Variants in CTBP2 observed in about 807,000 individuals in gnomAD.
CTBP2 encodes the protein C-terminal-binding protein 2.
Under a neutral mutation model 80.3 loss-of-function variants are expected in CTBP2, and 30 were observed. The ratio of observed to expected loss-of-function variants is 0.37; its 90% CI spans 0.28 to 0.51. The LOEUF is 0.51. CTBP2 is among the 20% of genes least tolerant of loss of function. The probability of loss-of-function intolerance (pLI) is 0.93; values close to 1 mark genes in which losing one functional copy is unlikely to be tolerated. For missense variants in CTBP2, 1,212 were observed against 1,375.3 expected (o/e 0.88, Z 1.88); for synonymous variants, 594 against 587.4 (o/e 1.01, Z -0.16).
chr10:125,094,862 A>G (rs1389489234), intron 2 of CTBP2, among the ~76,000 whole-genome samples: 1 of 147,266 alleles, frequency 6.8e-6, no homozygotes, highest in East Asian at 2.0e-4. Context: ...ATTACCGGCA[A>G]TTTTTTTTTT....
At chr10:125,005,973 A>T in intron 1 of CTBP2, 1 of 1,469,086 alleles carries the variant, frequency 6.8e-7, no homozygotes, top group Non-Finnish European at 8.9e-7. Flanking sequence ...GGGAATCCAG[A>T]GCCGCTGATG....
intron 4 of CTBP2, 138 bp downstream of exon 6, chr10:124,997,826 G>A (rs1294940188): frequency 1.1e-5 from 9 of 840,042 alleles, no homozygotes; most frequent in South Asian, 3.4e-5. Flanking sequence ...CTCCTACCCC[G>A]TGCAACACGG....
At chr10:125,044,833 G>A (rs7923530) in intron 2 of CTBP2, among the ~76,000 whole-genome samples, 19,647 of 152,118 alleles carry the variant, frequency 0.13, 2,167 homozygotes, top group African/African-American at 0.3. Flanking sequence ...GGATCAGTGG[G>A]TCAAAAAGCA....
In CTBP2 at chr10:124,987,368, A is replaced by T. The variant is rs1242545941; in HGVS notation, c.*2150T>A. On this transcript the variant is annotated 3_prime_UTR_variant, in exon 9 of 9. Coordinates refer to ENST00000309035, the MANE Select transcript of CTBP2 (RefSeq NM_022802.3). ...TTCTTCCTTGGGGTCAAATTTATAT[A>T]TATATATATAAATTTTTGTTTGGGC... The T allele has an allele frequency of 1.3e-5, 2 of 151,438 alleles. No individual in the cohort carries two copies. Among genetic ancestry groups the T allele is most frequent in the African/African-American group, 4.9e-5 (2 of 41,142 alleles). 9.4% of individuals were successfully genotyped at this position (151,438 alleles called of 1,614,324 possible). A position where few individuals can be genotyped will look rare whatever the true frequency, so the allele number is the denominator to read the frequency against.
intron 2 of CTBP2, among the ~76,000 whole-genome samples, chr10:125,096,938 A>G (rs1471163748): frequency 6.6e-6 from 1 of 152,246 alleles, no homozygotes. Context: ...AACTAAGTCC[A>G]AACATTTTAG....
In CTBP2 at chr10:124,987,422, T is replaced by C. The variant is rs902938571; in HGVS notation, c.*2096A>G. 8 of 152,148 alleles carry C rather than the reference T, an allele frequency of 5.3e-5. No homozygotes were observed. Among genetic ancestry groups the C allele is most frequent in the South Asian group, 2.1e-4 (1 of 4,822 alleles). The allele number at this position is 152,148 out of a possible 1,614,324, so 9.4% of individuals were successfully genotyped here. A position where few individuals can be genotyped will look rare whatever the true frequency, so the allele number is the denominator to read the frequency against. Reference sequence around the variant, plus strand: ...CAAGATCTAATAATTAAAACCCAGGTGGACCATGGATTCAGACCTGCCTTT... The same window carrying C: ...CAAGATCTAATAATTAAAACCCAGGCGGACCATGGATTCAGACCTGCCTTT... On this transcript the variant is annotated 3_prime_UTR_variant, in exon 9 of 9. Transcript: ENST00000309035.
At chr10:125,084,017 A>G (rs551915859) in intron 2 of CTBP2, among the ~76,000 whole-genome samples, 131 of 152,270 alleles carry the variant, frequency 8.6e-4, no homozygotes, top group Non-Finnish European at 1.7e-3. Flanking sequence ...CTAATCTCAA[A>G]TGATCTGCCC....
At chr10:124,993,764 T>G in intron 6 of CTBP2, 91 bp downstream of exon 8, 1 of 1,471,340 alleles carries the variant, frequency 6.8e-7, no homozygotes, top group Non-Finnish European at 9.2e-7. Flanking sequence ...CAGGGACCTG[T>G]TTGGGAAAAG....
Position 124,992,662 on chromosome 10 carries a change from A to C in CTBP2, c.2777+33T>G, listed in dbSNP as rs749342138. On this transcript the variant is annotated intron_variant, in intron 8 of 8. Transcript: ENST00000309035. ...CCCTGGCCCCGGGGCCGTGGTGCTC[A>C]CAAGCTGAGACAAAGTCAGTTCCTT... The C allele has an allele frequency of 7.2e-6, 11 of 1,537,616 alleles. No homozygotes were observed. The East Asian group carries it at 2.5e-4, about 35-fold the overall frequency.
At chr10:125,137,311 G>C (rs992658653) in intron 1 of CTBP2, among the ~76,000 whole-genome samples, 1 of 152,100 alleles carries the variant, frequency 6.6e-6, no homozygotes, top group African/African-American at 2.4e-5. Flanking sequence ...GCAGAGTCTC[G>C]GGAACCCCTC....
upstream of CTBP2, among the ~76,000 whole-genome samples, chr10:125,031,052 C>T (rs189351833): frequency 5.3e-5 from 8 of 152,280 alleles, no homozygotes; most frequent in African/African-American, 1.2e-4. Flanking sequence ...CAGAAGTTAG[C>T]GGGTAACACG....
intron 1 of CTBP2, among the ~76,000 whole-genome samples, chr10:125,139,831 C>G (rs1325072129): frequency 6.6e-6 from 1 of 152,216 alleles, no homozygotes; most frequent in Admixed American, 6.5e-5. Context: ...CCCTACTGTG[C>G]TCACAGCTGC....
intron 1 of CTBP2, among the ~76,000 whole-genome samples, chr10:125,016,409 A>C (rs1956491285): frequency 6.6e-6 from 1 of 152,172 alleles, no homozygotes; most frequent in Non-Finnish European, 1.5e-5. Context: ...GACCAATTCC[A>C]CCAGTGTTCC....
chr10:125,047,485 T>C (rs913014855), intron 2 of CTBP2, among the ~76,000 whole-genome samples: 10 of 152,292 alleles, frequency 6.6e-5, no homozygotes, highest in Non-Finnish European at 1.0e-4. Context: ...CACAATACAA[T>C]TGGGCACACA....
intron 2 of CTBP2, 114 bp downstream of exon 2, chr10:125,110,876 A>G (rs977721930): frequency 1.3e-5 from 2 of 152,382 alleles, no homozygotes; most frequent in Non-Finnish European, 2.9e-5. Context: ...AGACATCCCA[A>G]TGAAACAGCC....
intron 1 of CTBP2, among the ~76,000 whole-genome samples, chr10:125,134,519 C>T (rs1337023718): frequency 6.6e-6 from 1 of 152,196 alleles, no homozygotes; most frequent in Non-Finnish European, 1.5e-5. Context: ...GGACCATAAT[C>T]CTACCGCTCC....
chr10:125,114,816 A>G (rs1310223104), intron 1 of CTBP2, among the ~76,000 whole-genome samples: 1 of 129,206 alleles, frequency 7.7e-6, no homozygotes, highest in Non-Finnish European at 1.6e-5. Flanking sequence ...ATGCAGAGAT[A>G]ACAGAGGCCA....
chr10:125,126,277 T>C (rs1036379926), intron 1 of CTBP2, among the ~76,000 whole-genome samples: 15 of 152,218 alleles, frequency 9.9e-5, no homozygotes, highest in African/African-American at 3.6e-4. Flanking sequence ...ACGCTGTGAT[T>C]CTCGGTAACT....
At chr10:124,998,265 T>G (rs1953929667) in intron 3 of CTBP2, 95 bp from the exon 6 acceptor site, 688 of 1,402,880 alleles carry the variant, frequency 4.9e-4, no homozygotes, top group Non-Finnish European at 6.2e-4. Flanking sequence ...GACTCGGTTG[T>G]TGGCACCGGG....
Sources: allele counts gnomAD v4.1 joint callset (sites outside exome capture counted in the v4.1 genomes callset), GRCh38; gene constraint gnomAD v4.1.1; transcripts MANE v1.5; gene names NCBI Gene and HGNC (gene_info 2026-07-23, HGNC 2026-07-21).